Variants in CDH8 observed in about 807,000 individuals in gnomAD.
CDH8 encodes the protein cadherin-8.
In CDH8, 17 loss-of-function variants were observed where a neutral mutation model predicts 68.1. That is an observed-to-expected ratio of 0.25 (90% CI 0.17 to 0.37). CDH8 has a LOEUF of 0.37. CDH8 is among the 10% of genes least tolerant of loss of function. The probability of loss-of-function intolerance (pLI) is 1.00; values close to 1 mark genes in which losing one functional copy is unlikely to be tolerated. For missense variants in CDH8, 763 were observed against 999.3 expected, an observed-to-expected ratio of 0.76 and a Z score of 3.19; for synonymous variants, 372 against 365.1, an observed-to-expected ratio of 1.02 and a Z score of -0.21.
intron 3 of CDH8, among the ~76,000 whole-genome samples, chr16:61,868,086 T>C (rs1287013275): frequency 6.6e-6 from 1 of 152,158 alleles, no homozygotes; most frequent in Non-Finnish European, 1.5e-5. Context: ...ATTTATTCAT[T>C]TAATCTTTGC....
chr16:61,650,974 T>C lies in CDH8; in HGVS notation c.*2634A>G, dbSNP rs1963309933. 6.6e-6 allele frequency: 1 copy of C among 152,098 alleles called. No individual in the cohort carries two copies. Among genetic ancestry groups the C allele is most frequent in the Non-Finnish European group, 1.5e-5 (1 of 68,018 alleles). 9.4% of individuals were successfully genotyped at this position (152,098 alleles called of 1,614,324 possible). A position where few individuals can be genotyped will look rare whatever the true frequency, so the allele number is the denominator to read the frequency against. ...ACTTAGGCGATATTTGGGCAACTAG[T>C]AGAGCAGACATTATCTCCTGCTCAC... On this transcript the variant is annotated 3_prime_UTR_variant, in exon 12 of 12. Transcript: ENST00000577390.
intron 8 of CDH8, among the ~76,000 whole-genome samples, chr16:61,776,941 C>T (rs1960916993): frequency 1.3e-5 from 2 of 152,066 alleles, no homozygotes; most frequent in Admixed American, 1.3e-4. Flanking sequence ...ACATGCACCC[C>T]TGAACTTAAA....
chr16:61,730,575 C>T (rs963761181), intron 8 of CDH8, among the ~76,000 whole-genome samples: 4 of 151,438 alleles, frequency 2.6e-5, no homozygotes, highest in African/African-American at 9.7e-5. Context: ...CTTTTTATAG[C>T]TGTAAAGAAT....
chr16:61,867,380 G>A (rs985529473), intron 3 of CDH8, among the ~76,000 whole-genome samples: 3 of 152,098 alleles, frequency 2.0e-5, no homozygotes, highest in Non-Finnish European at 2.9e-5. Flanking sequence ...AGACCAGTAG[G>A]AGAGCCAAAA....
intron 2 of CDH8, among the ~76,000 whole-genome samples, chr16:61,961,011 A>C (rs1322216466): frequency 6.6e-6 from 1 of 152,104 alleles, no homozygotes; most frequent in Admixed American, 6.5e-5. Flanking sequence ...AGACAGAAGG[A>C]TCTCTATAAG....
At chr16:61,668,203 G>C (rs1307554413) in intron 10 of CDH8, among the ~76,000 whole-genome samples, 1 of 151,918 alleles carries the variant, frequency 6.6e-6, no homozygotes, top group South Asian at 2.1e-4. Context: ...CAGCAGAGCA[G>C]AGCATAACCA....
chr16:61,732,398 G>A (rs577749586), intron 8 of CDH8, among the ~76,000 whole-genome samples: 2 of 151,768 alleles, frequency 1.3e-5, no homozygotes, highest in East Asian at 1.9e-4. Context: ...AATCACCAGG[G>A]AACCCCAATA....
chr16:61,815,938 C>T (rs549560179), intron 7 of CDH8, among the ~76,000 whole-genome samples: 3 of 151,994 alleles, frequency 2.0e-5, no homozygotes, highest in African/African-American at 4.8e-5. Flanking sequence ...CTATATTTTC[C>T]GGAAATTAAT....
At chr16:61,822,307 C>A (rs1014948210) in intron 5 of CDH8, among the ~76,000 whole-genome samples, 1 of 136,220 alleles carries the variant, frequency 7.3e-6, no homozygotes, top group Admixed American at 7.9e-5. Context: ...GTCCCATCTC[C>A]GAGTTAAACT....
At chr16:61,789,849 C>T (rs1236204209) in intron 7 of CDH8, among the ~76,000 whole-genome samples, 1 of 151,980 alleles carries the variant, frequency 6.6e-6, no homozygotes, top group Non-Finnish European at 1.5e-5. Flanking sequence ...AATTCAAGCC[C>T]AAAGCAAGAT....
chr16:61,801,583 C>A lies in CDH8; in HGVS notation c.1278-12101G>T, dbSNP rs531251175. ...GTTTCTCTCACTAGGGAGTGCCAGA[C>A]AGTGGGCGCAGGCCAGTGGGTGCGT... On this transcript the variant is annotated intron_variant, in intron 7 of 11. Coordinates refer to ENST00000577390, the MANE Select transcript of CDH8 (RefSeq NM_001796.5). 2.8e-3 allele frequency among the ~76,000 whole-genome samples: 419 copies of A among 152,282 alleles called. 9 individuals carry two copies. The highest frequency in any genetic ancestry group is 0.012 in the Admixed American group (187 of 15,306).
At chr16:61,662,145 A>G (rs1963577900) in intron 10 of CDH8, among the ~76,000 whole-genome samples, 1 of 140,434 alleles carries the variant, frequency 7.1e-6, no homozygotes. Context: ...TCAATAGTGT[A>G]AAAGGAAAGA....
intron 10 of CDH8, among the ~76,000 whole-genome samples, chr16:61,700,797 G>A (rs1435816160): frequency 6.6e-6 from 1 of 152,134 alleles, no homozygotes; most frequent in African/African-American, 2.4e-5. Context: ...CACCTAGATA[G>A]CAGAAATAAG....
At chr16:61,721,808 C>T (rs889869079) in intron 9 of CDH8, among the ~76,000 whole-genome samples, 2 of 150,726 alleles carry the variant, frequency 1.3e-5, no homozygotes, top group African/African-American at 4.8e-5. Flanking sequence ...TAAGAGCAGA[C>T]TTTAAAATTC....
intron 10 of CDH8, among the ~76,000 whole-genome samples, chr16:61,700,163 A>G (rs1964395749): frequency 6.6e-6 from 1 of 152,158 alleles, no homozygotes; most frequent in African/African-American, 2.4e-5. Context: ...TATTGTGAAC[A>G]GTGCTGCAAT....
Position 61,652,850 on chromosome 16 carries a change from T to C in CDH8, c.*758A>G, listed in dbSNP as rs1158059977. 2 of 1,523,374 alleles carry C rather than the reference T, an allele frequency of 1.3e-6. No homozygotes were observed. Among genetic ancestry groups the C allele is most frequent in the Non-Finnish European group, 1.8e-6 (2 of 1,140,756 alleles). 94.4% of individuals were successfully genotyped at this position (1,523,374 alleles called of 1,614,324 possible). ...TCCACTGTGTGATACAGTTTATCTT[T>C]GTGTCCTTGTGGAAGAAGATGAAGA... On this transcript the variant is annotated 3_prime_UTR_variant, in exon 12 of 12. Coordinates refer to ENST00000577390, the MANE Select transcript of CDH8 (RefSeq NM_001796.5).
intron 4 of CDH8, among the ~76,000 whole-genome samples, chr16:61,852,098 C>A (rs771480850): frequency 6.6e-6 from 1 of 152,076 alleles, no homozygotes; most frequent in East Asian, 1.9e-4. Context: ...TGTATGCAAA[C>A]CCAGTTAGCA....
intron 1 of CDH8, among the ~76,000 whole-genome samples, chr16:62,022,425 C>T (rs934428369): frequency 1.3e-5 from 2 of 151,954 alleles, no homozygotes; most frequent in African/African-American, 4.8e-5. Flanking sequence ...AATATGGTAA[C>T]AAATGTAATG....
At chr16:62,012,972 AGGCCGG>A (rs1901849825) in intron 2 of CDH8, among the ~76,000 whole-genome samples, 11 of 116,206 alleles carry the variant, frequency 9.5e-5, no homozygotes, top group African/African-American at 1.2e-4. Context: ...TAACTACTTA[AGGCCGG>A]GCGCGGTGGC....
Sources: gnomAD v4.1 joint callset for allele counts (sites outside exome capture counted in the v4.1 genomes callset) on GRCh38, gnomAD v4.1.1 for gene constraint, MANE v1.5 for transcripts, NCBI Gene and HGNC (gene_info 2026-07-23, HGNC 2026-07-21) for gene names.